INPP4B: variants seen among roughly 807,000 people sequenced by gnomAD.
The protein encoded by INPP4B is inositol polyphosphate 4-phosphatase type II.
In INPP4B, 55 loss-of-function variants were observed where a neutral mutation model predicts 122.5. That is an observed-to-expected ratio of 0.45 (90% CI 0.36 to 0.56). The LOEUF is 0.56. INPP4B is among the 20% of genes least tolerant of loss of function. The pLI is 0.00. For synonymous variants in INPP4B, 403 were observed against 388.7 expected, an observed-to-expected ratio of 1.04 and a Z score of -0.43; for missense variants, 1,000 against 1,097.7, an observed-to-expected ratio of 0.91 and a Z score of 1.26.
At chr4:142,212,148 T>C (rs942276775) in intron 12 of INPP4B, among the ~76,000 whole-genome samples, 2 of 152,034 alleles carry the variant, frequency 1.3e-5, no homozygotes, top group African/African-American at 2.4e-5. Flanking sequence ...ACCATCTGAG[T>C]TGATAACCCG....
At chr4:142,631,750 A>T (rs1748004559) in intron 2 of INPP4B, among the ~76,000 whole-genome samples, 1 of 152,194 alleles carries the variant, frequency 6.6e-6, no homozygotes. Flanking sequence ...CTATCTACAG[A>T]AAAAAGGAAG....
chr4:142,295,731 T>C (rs566959138), intron 9 of INPP4B, among the ~76,000 whole-genome samples: 1 of 151,362 alleles, frequency 6.6e-6, no homozygotes, highest in Non-Finnish European at 1.5e-5. Flanking sequence ...AGAAATTCAC[T>C]TTCCCTTTTT....
rs1553999975 is a variant in INPP4B at position 142,185,398 on chromosome 4, G to GTGTATA, written c.1181+7688_1181+7689insTATACA. On this transcript the variant is annotated intron_variant, in intron 15 of 25. Transcript: ENST00000262992. ...TAAATATATATGTGTATGTGTGTGTGTATATATATATATATATATATCTCA... is the reference window on the plus strand; with the variant it reads ...TAAATATATATGTGTATGTGTGTGTGTGTATATATATATATATATATATATATCTCA... 2.3e-3 allele frequency among the ~76,000 whole-genome samples: 339 copies of GTGTATA among 147,180 alleles called. 1 individual carries two copies. Among genetic ancestry groups the GTGTATA allele is most frequent in the Non-Finnish European group, 3.1e-3 (206 of 66,438 alleles).
chr4:142,574,364 T>C (rs1354349982), intron 2 of INPP4B, among the ~76,000 whole-genome samples: 2 of 152,092 alleles, frequency 1.3e-5, no homozygotes, highest in Non-Finnish European at 2.9e-5. Context: ...TTAAAATCCC[T>C]CACTCCCTCC....
At chr4:142,565,698 G>A (rs945944423) in intron 2 of INPP4B, among the ~76,000 whole-genome samples, 5 of 152,140 alleles carry the variant, frequency 3.3e-5, no homozygotes, top group Non-Finnish European at 7.4e-5. Flanking sequence ...ATTTTCCCAT[G>A]AGATACTTAT....
intron 1 of INPP4B, among the ~76,000 whole-genome samples, chr4:142,833,326 A>G (rs1782396844): frequency 6.6e-6 from 1 of 152,094 alleles, no homozygotes; most frequent in African/African-American, 2.4e-5. Context: ...CAACATTTTA[A>G]CAGGCAGCTA....
intron 1 of INPP4B, among the ~76,000 whole-genome samples, chr4:142,745,793 C>T (rs778614016): frequency 6.6e-6 from 1 of 151,790 alleles, no homozygotes; most frequent in African/African-American, 2.4e-5. Context: ...TAATATGAGA[C>T]AGATAAATCT....
chr4:142,183,835 G>GA (rs1255775291), intron 15 of INPP4B, among the ~76,000 whole-genome samples: 37 of 151,932 alleles, frequency 2.4e-4, no homozygotes, highest in Admixed American at 2.0e-4. Flanking sequence ...AAAATAAACA[G>GA]ACAAAATGTA....
At chr4:142,171,313 T>G (rs536995167) in intron 16 of INPP4B, among the ~76,000 whole-genome samples, 2 of 151,966 alleles carry the variant, frequency 1.3e-5, no homozygotes, top group African/African-American at 4.8e-5. Flanking sequence ...CTTAATGTCT[T>G]GAATATGCTA....
At chr4:142,299,172 G>T (rs201899039) in intron 9 of INPP4B, among the ~76,000 whole-genome samples, 58 of 93,106 alleles carry the variant, frequency 6.2e-4, no homozygotes, top group African/African-American at 4.1e-3. Flanking sequence ...TTTTTTTTGG[G>T]GGGGAGACAG....
chr4:142,030,122 T>G, intron 25 of INPP4B: 3 of 1,529,542 alleles, frequency 2.0e-6, no homozygotes, highest in Non-Finnish European at 2.6e-6. Flanking sequence ...GAATACAACA[T>G]AAAACTTATT....
intron 2 of INPP4B, among the ~76,000 whole-genome samples, chr4:142,634,763 A>C (rs1381369852): frequency 1.1e-4 from 16 of 152,132 alleles, no homozygotes; most frequent in African/African-American, 3.4e-4. Flanking sequence ...ATTTTTAAAA[A>C]TACAACCACT....
intron 3 of INPP4B, among the ~76,000 whole-genome samples, chr4:142,432,685 T>C (rs1414551476): frequency 2.0e-5 from 3 of 152,096 alleles, no homozygotes; most frequent in Non-Finnish European, 2.9e-5. Context: ...CAAATGCTAA[T>C]AGTGAGATAA....
intron 17 of INPP4B, among the ~76,000 whole-genome samples, chr4:142,153,254 C>T (rs1395360803): frequency 6.6e-6 from 1 of 152,172 alleles, no homozygotes; most frequent in Non-Finnish European, 1.5e-5. Flanking sequence ...GTGTTGTGCA[C>T]AACCATTTTC....
intron 1 of INPP4B, among the ~76,000 whole-genome samples, chr4:142,817,646 T>C (rs1420290699): frequency 1.3e-5 from 2 of 152,080 alleles, no homozygotes; most frequent in Non-Finnish European, 2.9e-5. Flanking sequence ...CCAGCCCACA[T>C]AAACCACAAA....
At chr4:142,399,215 T>TTTTTGTTG (rs1800798159) in intron 7 of INPP4B, among the ~76,000 whole-genome samples, 1 of 131,188 alleles carries the variant, frequency 7.6e-6, no homozygotes, top group Non-Finnish European at 1.6e-5. Context: ...TTTTTTTTTT[T>TTTTTGTTG]GAGTCGGAGT....
chr4:142,390,931 C>A (rs925792956), intron 7 of INPP4B, among the ~76,000 whole-genome samples: 4 of 151,920 alleles, frequency 2.6e-5, no homozygotes, highest in Admixed American at 6.6e-5. Context: ...TGGAAAGGAC[C>A]CTGAAAAGCA....
At chr4:142,089,053 G>A (rs1778175547) in intron 23 of INPP4B, among the ~76,000 whole-genome samples, 2 of 152,176 alleles carry the variant, frequency 1.3e-5, no homozygotes, top group Non-Finnish European at 2.9e-5. Flanking sequence ...GCAAAGGCAC[G>A]AGGCATGAGC....
intron 24 of INPP4B, among the ~76,000 whole-genome samples, chr4:142,085,840 C>T (rs1262299995): frequency 5.3e-5 from 8 of 152,148 alleles, no homozygotes; most frequent in Admixed American, 5.2e-4. Context: ...GTGATACGGG[C>T]AATTGACGTT....
Sources: gnomAD v4.1 joint callset for allele counts (sites outside exome capture counted in the v4.1 genomes callset) on GRCh38, gnomAD v4.1.1 for gene constraint, MANE v1.5 for transcripts, NCBI Gene and HGNC (gene_info 2026-07-23, HGNC 2026-07-21) for gene names.